The following HSD11B1L variants were observed in gnomAD, a reference collection of about 807,000 sequenced individuals.
The protein encoded by HSD11B1L is hydroxysteroid 11-beta dehydrogenase 1 like, also known as hydroxysteroid 11-beta-dehydrogenase 1-like protein.
Under a neutral mutation model 27.0 loss-of-function variants are expected in HSD11B1L, and 22 were observed. The observed-to-expected ratio is 0.81, with a 90% CI of 0.58 to 1.16. The LOEUF is 1.16. Ranked by LOEUF, HSD11B1L falls within the 50% of genes most tolerant of loss-of-function variation. The pLI, the probability that HSD11B1L is intolerant of heterozygous loss-of-function variation, is 0.00. For synonymous variants in HSD11B1L, 187 were observed against 189.2 expected, an observed-to-expected ratio of 0.99 and a Z score of 0.09; for missense variants, 372 against 401.8, an observed-to-expected ratio of 0.93 and a Z score of 0.63.
intron 1 of HSD11B1L, 145 bp from the exon 2 acceptor site, chr19:5,684,656 GCGGTGGTTCATGGAGCCA>G: frequency 9.6e-7 from 1 of 1,046,932 alleles, no homozygotes; most frequent in Non-Finnish European, 1.3e-6. Flanking sequence ...TCATGGAGCC[GCGGTGGTTCATGGAGCCA>G]CCGTGGTGGC....
chr19:5,687,483 G>C lies in HSD11B1L; in HGVS notation c.503-20G>C. On this transcript the variant is annotated intron_variant, in intron 6 of 7. Coordinates refer to ENST00000339423, the MANE Select transcript of HSD11B1L (RefSeq NM_198706.3). The surrounding 1 kb of genome is among the most constrained non-coding windows in gnomAD (Gnocchi z 6.6). The stretch of plus-strand genomic sequence containing the variant: ...CCGGACGAGGGGGAGCCACTCAGCC[G>C]CTGCCGTCCGCGCCCCCAGGCCGCG... 1.3e-6 allele frequency: 2 copies of C among 1,587,702 alleles called. No individual in the cohort carries two copies. Among genetic ancestry groups the C allele is most frequent in the Non-Finnish European group, 1.7e-6 (2 of 1,172,200 alleles).
Position 5,682,647 on chromosome 19 carries a change from G to A in HSD11B1L, c.-15+1376G>A, listed in dbSNP as rs187678895. 2.6e-5 allele frequency among the ~76,000 whole-genome samples: 4 copies of A among 152,046 alleles called. No individual in the cohort carries two copies. The East Asian group carries it at 7.8e-4, about 29-fold the overall frequency. ...CTGGATTGGGTCCTGCTGGTTCTAAGGGGCCTGGAGGTTGTCAGGAGGAGA... is the reference window on the plus strand; with the variant it reads ...CTGGATTGGGTCCTGCTGGTTCTAAAGGGCCTGGAGGTTGTCAGGAGGAGA... On this transcript the variant is annotated intron_variant, in intron 1 of 7. Transcript: ENST00000339423.
rs771610051 is a variant in HSD11B1L, at chr19:5,684,874, C to G, written c.42C>G (p.Phe14Leu). 1 of 1,613,746 alleles carries G rather than the reference C, an allele frequency of 6.2e-7. No homozygotes were observed. Among genetic ancestry groups the G allele is most frequent in the Non-Finnish European group, 8.5e-7 (1 of 1,180,000 alleles). The change falls in exon 2 of 8, where the codon TTC becomes TTG. Residue 14 changes from phenylalanine (F) to leucine (L), a missense_variant. Coordinates refer to ENST00000339423, the MANE Select transcript of HSD11B1L (RefSeq NM_198706.3). Reference sequence around the variant, plus strand: ...TCACAGGGCTGGGGGCCCTGTTCTTCGCCTATTATTGGGATGACAACTTCG... The same window carrying G: ...TCACAGGGCTGGGGGCCCTGTTCTTGGCCTATTATTGGGATGACAACTTCG... ...LLLTGLGALF[F>L]AYYWDDNFDP...
chr19:5,687,462 A>G lies in HSD11B1L; in HGVS notation c.503-41A>G. 2 of 1,587,496 alleles carry G rather than the reference A, an allele frequency of 1.3e-6. No individual in the cohort carries two copies. Among genetic ancestry groups the G allele is most frequent in the Non-Finnish European group, 1.7e-6 (2 of 1,172,036 alleles). On this transcript the variant is annotated intron_variant, in intron 6 of 7. Coordinates refer to ENST00000339423, the MANE Select transcript of HSD11B1L (RefSeq NM_198706.3). The surrounding 1 kb of genome is among the most constrained non-coding windows in gnomAD (Gnocchi z 6.6). ...TGGAGGGTCTGGGCAGGCTTCCCGG[A>G]CGAGGGGGAGCCACTCAGCCGCTGC...
intron 1 of HSD11B1L, chr19:5,683,922 AT>A (rs1224040792): frequency 5.7e-5 from 19 of 333,310 alleles, no homozygotes; most frequent in Non-Finnish European, 7.5e-5. Context: ...AAATAAAAAA[AT>A]AAATAATAAA....
chr19:5,682,011 C>T (rs1312142275), intron 1 of HSD11B1L, among the ~76,000 whole-genome samples: 1 of 152,208 alleles, frequency 6.6e-6, no homozygotes, highest in East Asian at 1.9e-4. Context: ...AAGGTGGAAG[C>T]TCGTTTCTTG....
rs1371463535 is a variant in HSD11B1L at position 5,687,520 on chromosome 19, T to C, written c.520T>C (p.Phe174Leu). 1 of 1,598,986 alleles carries C rather than the reference T, an allele frequency of 6.3e-7. No homozygotes were observed. Among genetic ancestry groups the C allele is most frequent in the Non-Finnish European group, 8.5e-7 (1 of 1,179,114 alleles). Residue 174 changes from phenylalanine to leucine, a missense_variant, in exon 7 of 8, where the codon TTC (phenylalanine) becomes CTC (leucine). Transcript: ENST00000339423. The surrounding 1 kb of genome is among the most constrained non-coding windows in gnomAD (Gnocchi z 6.6). The part of the protein sequence containing the change: ...SSLLGRVPTS[F>L]STPYSAAKFA... The stretch of plus-strand genomic sequence containing the variant: ...GCCCCCAGGCCGCGTGCCCACGTCG[T>C]TCTCCACTCCCTACTCGGCGGCCAA...
chr19:5,684,523 A>T (rs529201663), intron 1 of HSD11B1L, among the ~76,000 whole-genome samples: 8 of 152,274 alleles, frequency 5.3e-5, no homozygotes, highest in Non-Finnish European at 1.0e-4. Context: ...GGGCGTTTGT[A>T]GCCACCAAGG....
In HSD11B1L at chr19:5,687,387, C is replaced by T. The variant is rs146183410; in HGVS notation, c.502+12C>T. 3.1e-3 allele frequency: 4,933 copies of T among 1,610,136 alleles called. 22 individuals are homozygous for T. The highest frequency in any genetic ancestry group is 3.8e-3 in the Non-Finnish European group (4,434 of 1,179,100). ...GTCCTCGCTGCTCGGTGCGTGCACCCGGCCCCGGCTCTGCGGGACGGGGAG... is the reference window on the plus strand; with the variant it reads ...GTCCTCGCTGCTCGGTGCGTGCACCTGGCCCCGGCTCTGCGGGACGGGGAG... On this transcript the variant is annotated intron_variant, in intron 6 of 7. Transcript: ENST00000339423. The surrounding 1 kb of genome is among the most constrained non-coding windows in gnomAD (Gnocchi z 6.6).
Position 5,687,207 on chromosome 19 carries a change from C to T in HSD11B1L, c.409-75C>T, listed in dbSNP as rs1349105579. Reference sequence around the variant, plus strand: ...CCCCGTCTCTGACCCGGCCCTGGCCCCGCCCTCTGGGTTTCTGGCCCCGCC... The same window carrying T: ...CCCCGTCTCTGACCCGGCCCTGGCCTCGCCCTCTGGGTTTCTGGCCCCGCC... On this transcript the variant is annotated intron_variant, in intron 5 of 7. Coordinates refer to ENST00000339423, the MANE Select transcript of HSD11B1L (RefSeq NM_198706.3). This position sits in a 1 kb window ranked among gnomAD's most constrained non-coding sequence, Gnocchi z 6.6. 11 of 1,506,034 alleles carry T rather than the reference C, an allele frequency of 7.3e-6. No individual in the cohort carries two copies. The East Asian group carries it at 2.5e-4, about 35-fold the overall frequency. 93.3% of individuals were successfully genotyped at this position (1,506,034 alleles called of 1,614,324 possible).
chr19:5,687,813 CGGCGCCACG>C lies in HSD11B1L; in HGVS notation c.730_738del (p.Gly244_Thr246del). The stretch of plus-strand genomic sequence containing the variant: ...AGGCAGCCCTGGCCGTGATCCGCGG[CGGCGCCACG>C]CGCGCGGCCGGCGTCTTCTACCCGT... On this transcript the variant is annotated inframe_deletion, in exon 8 of 8. Transcript: ENST00000339423. The surrounding 1 kb of genome is among the most constrained non-coding windows in gnomAD (Gnocchi z 6.6). 6.5e-7 allele frequency: 1 copy of C among 1,530,448 alleles called. No individual in the cohort carries two copies. The highest frequency in any genetic ancestry group is 1.2e-5 in the South Asian group (1 of 82,102). 94.8% of individuals were successfully genotyped at this position (1,530,448 alleles called of 1,614,324 possible).
Position 5,687,560 on chromosome 19 carries a change from G to A in HSD11B1L, c.560G>A (p.Gly187Asp). ...PYSAAKFALD[G>D]FFGSLRRELD... ...TCGGCGGCCAAGTTTGCGCTGGACGGCTTCTTCGGCTCCCTGCGGCGGGAG... is the reference window on the plus strand; with the variant it reads ...TCGGCGGCCAAGTTTGCGCTGGACGACTTCTTCGGCTCCCTGCGGCGGGAG... Residue 187 changes from glycine (G) to aspartate (D), a missense_variant, in exon 7 of 8, where the codon GGC becomes GAC. Coordinates refer to ENST00000339423, the MANE Select transcript of HSD11B1L (RefSeq NM_198706.3). The surrounding 1 kb of genome is among the most constrained non-coding windows in gnomAD (Gnocchi z 6.6). 1.9e-6 allele frequency: 3 copies of A among 1,599,938 alleles called. No homozygotes were observed. Among genetic ancestry groups the A allele is most frequent in the Admixed American group, 3.3e-5 (2 of 59,944 alleles).
Position 5,685,387 on chromosome 19 carries a change from C to T in HSD11B1L, c.204+268C>T. 1 of 583,632 alleles carries T rather than the reference C, an allele frequency of 1.7e-6. No individual in the cohort carries two copies. Among genetic ancestry groups the T allele is most frequent in the Non-Finnish European group, 3.2e-6 (1 of 312,108 alleles). The allele number at this position is 583,632 out of a possible 1,614,324, so 36.2% of individuals were successfully genotyped here. On this transcript the variant is annotated intron_variant, in intron 3 of 7. Coordinates refer to ENST00000339423, the MANE Select transcript of HSD11B1L (RefSeq NM_198706.3). This position sits in a 1 kb window ranked among gnomAD's most constrained non-coding sequence, Gnocchi z 4.3. Reference sequence around the variant, plus strand: ...GGTCAGGAGTTCAAGACCAGCCTGGCCAACATGGCGAAACCTGGTCTCTAC... The same window carrying T: ...GGTCAGGAGTTCAAGACCAGCCTGGTCAACATGGCGAAACCTGGTCTCTAC...
intron 1 of HSD11B1L, among the ~76,000 whole-genome samples, chr19:5,681,553 C>T (rs1302213531): frequency 1.3e-5 from 2 of 151,898 alleles, no homozygotes; most frequent in Non-Finnish European, 2.9e-5. Flanking sequence ...ATCTGCTCCC[C>T]CCATCCTTCC....
In HSD11B1L at chr19:5,685,131, C is replaced by CT; in HGVS notation, c.204+12_204+13insT. 1 of 1,544,388 alleles carries CT rather than the reference C, an allele frequency of 6.5e-7. No homozygotes were observed. The highest frequency in any genetic ancestry group is 8.7e-7 in the Non-Finnish European group (1 of 1,146,960). On this transcript the variant is annotated intron_variant, in intron 3 of 7. Transcript: ENST00000339423. This position sits in a 1 kb window ranked among gnomAD's most constrained non-coding sequence, Gnocchi z 4.3. ...CTCTCCTGCAGAAGGTGAGCCACCC[C>CT]ATGTCTAGATGAATGGTGGGGGTGC...
chr19:5,683,696 A>T (rs904942604), intron 1 of HSD11B1L, among the ~76,000 whole-genome samples: 2 of 152,034 alleles, frequency 1.3e-5, no homozygotes, highest in Non-Finnish European at 2.9e-5. Context: ...GTTCAAAATC[A>T]GCCTGGGCAG....
rs749083432 is a variant in HSD11B1L at position 5,687,335 on chromosome 19, G to C, written c.462G>C (p.Thr154=). The C allele has an allele frequency of 1.2e-6, 2 of 1,612,830 alleles. No homozygotes were observed. The highest frequency in any genetic ancestry group is 1.7e-6 in the Non-Finnish European group (2 of 1,179,782). ...CGTCGCGGGCGCTGCCCAGCCTGAC[G>C]GACAGCAAGGGCTCCCTGGTGGTGG... The part of the protein sequence containing the change: ...QLTSRALPSL[T]DSKGSLVVVS... The change falls in exon 6 of 8, where the codon ACG becomes ACC. Residue 154 remains threonine, a synonymous_variant. Coordinates refer to ENST00000339423, the MANE Select transcript of HSD11B1L (RefSeq NM_198706.3). The surrounding 1 kb of genome is among the most constrained non-coding windows in gnomAD (Gnocchi z 6.6).
chr19:5,687,740 C>T lies in HSD11B1L; in HGVS notation c.669-13C>T, dbSNP rs1257860222. The T allele has an allele frequency of 1.3e-6, 2 of 1,492,042 alleles. No homozygotes were observed. The highest frequency in any genetic ancestry group is 2.4e-5 in the Admixed American group (1 of 40,830). 92.4% of individuals were successfully genotyped at this position (1,492,042 alleles called of 1,614,324 possible). On this transcript the variant is annotated splice_polypyrimidine_tract_variant and intron_variant, in intron 7 of 7. Transcript: ENST00000339423. This position sits in a 1 kb window ranked among gnomAD's most constrained non-coding sequence, Gnocchi z 6.6. ...CCCCAGCCGCAGTCCCCACCGTGCC[C>T]TCCTGTCCCCAGGGGAGTCACGAGG... is the stretch of plus-strand genomic sequence containing the variant.
intron 3 of HSD11B1L, 97 bp from the exon 4 acceptor site, chr19:5,686,319 G>T (rs929505713): frequency 3.4e-5 from 28 of 817,138 alleles, no homozygotes; most frequent in Middle Eastern, 3.6e-4. Flanking sequence ...GTAGGGGGGG[G>T]TTTTCAGGCG....
Sources: allele counts gnomAD v4.1 joint callset (sites outside exome capture counted in the v4.1 genomes callset), GRCh38; gene constraint gnomAD v4.1.1; non-coding constraint Gnocchi (gnomAD v3.1); transcripts MANE v1.5; gene names NCBI Gene and HGNC (gene_info 2026-07-23, HGNC 2026-07-21).